The following GNA14 variants were observed in gnomAD, a reference collection of about 807,000 sequenced individuals.
GNA14 encodes guanine nucleotide-binding protein subunit alpha-14.
Under a neutral mutation model 42.0 loss-of-function variants are expected in GNA14, and 50 were observed. The observed-to-expected ratio is 1.19, with a 90% confidence interval of 0.95 to 1.51. GNA14 has a LOEUF of 1.51. Among genes scored for constraint, GNA14 ranks in the 40% most tolerant of loss-of-function variants. The pLI is 0.00. For synonymous variants in GNA14, 173 were observed against 163.1 expected, an observed-to-expected ratio of 1.06 and a Z score of -0.46; for missense variants, 473 against 446.2, an observed-to-expected ratio of 1.06 and a Z score of -0.54.
intron 2 of GNA14, among the ~76,000 whole-genome samples, chr9:77,482,193 G>T (rs368583293): frequency 1.6e-4 from 25 of 152,254 alleles, no homozygotes; most frequent in African/African-American, 4.6e-4. Context: ...GGTACCAGTT[G>T]TTCCTTTCCA....
intron 1 of GNA14, among the ~76,000 whole-genome samples, chr9:77,557,285 G>A (rs114372626): frequency 0.025 from 3,795 of 152,260 alleles, 162 homozygotes; most frequent in African/African-American, 0.085. Context: ...GGAGAGAGAA[G>A]CAGCTGACTC....
At chr9:77,474,761 G>A (rs187851539) in intron 2 of GNA14, among the ~76,000 whole-genome samples, 11 of 152,278 alleles carry the variant, frequency 7.2e-5, no homozygotes, top group African/African-American at 2.2e-4. Flanking sequence ...CCATACTGAT[G>A]TATGGATAAA....
chr9:77,528,363 A>T (rs192918247), intron 2 of GNA14, among the ~76,000 whole-genome samples: 117 of 152,250 alleles, frequency 7.7e-4, no homozygotes, highest in Middle Eastern at 3.4e-3. Flanking sequence ...CTAGTTGCTT[A>T]ATGAACTCAG....
At chr9:77,588,894 C>A (rs137979677) in intron 1 of GNA14, among the ~76,000 whole-genome samples, 1 of 152,170 alleles carries the variant, frequency 6.6e-6, no homozygotes, top group Non-Finnish European at 1.5e-5. Flanking sequence ...AAAGAAGGAA[C>A]CTGCTTTTGC....
At chr9:77,596,478 G>A (rs1008947469) in intron 1 of GNA14, among the ~76,000 whole-genome samples, 10 of 150,920 alleles carry the variant, frequency 6.6e-5, no homozygotes, top group African/African-American at 9.8e-5. Flanking sequence ...TGTACCCTAC[G>A]CCTCCTCGCC....
At chr9:77,578,537 A>T (rs1299727840) in intron 1 of GNA14, among the ~76,000 whole-genome samples, 4 of 152,228 alleles carry the variant, frequency 2.6e-5, no homozygotes, top group Non-Finnish European at 4.4e-5. Context: ...CTAGAAAAGG[A>T]CATGTTTAGT....
At chr9:77,611,585 C>A (rs1052915864) in intron 1 of GNA14, among the ~76,000 whole-genome samples, 3 of 152,148 alleles carry the variant, frequency 2.0e-5, no homozygotes, top group Admixed American at 2.0e-4. Context: ...AATTACCTCC[C>A]AACAATAGCC....
intron 2 of GNA14, among the ~76,000 whole-genome samples, chr9:77,494,532 A>G (rs1362657684): frequency 2.6e-5 from 4 of 152,210 alleles, no homozygotes; most frequent in African/African-American, 9.6e-5. Context: ...AGGGTACTGA[A>G]GTGTCCTGAG....
chr9:77,485,851 T>A (rs1836650969), intron 2 of GNA14, among the ~76,000 whole-genome samples: 1 of 152,162 alleles, frequency 6.6e-6, no homozygotes, highest in Non-Finnish European at 1.5e-5. Flanking sequence ...AGTAAATCAT[T>A]CTGTCTACAG....
chr9:77,608,128 A>G (rs1254261201), intron 1 of GNA14, among the ~76,000 whole-genome samples: 1 of 152,190 alleles, frequency 6.6e-6, no homozygotes, highest in African/African-American at 2.4e-5. Flanking sequence ...ATGGGGACAG[A>G]AGGCAGAGTA....
chr9:77,488,330 A>G (rs572685323), intron 2 of GNA14, among the ~76,000 whole-genome samples: 1 of 152,312 alleles, frequency 6.6e-6, no homozygotes, highest in South Asian at 2.1e-4. Flanking sequence ...ATCAAGGTGG[A>G]TAACTAGCCT....
chr9:77,592,063 C>T (rs1388027737), intron 1 of GNA14, among the ~76,000 whole-genome samples: 1 of 152,092 alleles, frequency 6.6e-6, no homozygotes, highest in East Asian at 1.9e-4. Flanking sequence ...TACAGGCGCC[C>T]ACCACCATGC....
intron 1 of GNA14, among the ~76,000 whole-genome samples, chr9:77,570,494 G>GT (rs1564056188): frequency 2.0e-5 from 3 of 152,104 alleles, no homozygotes; most frequent in Admixed American, 6.6e-5. Flanking sequence ...CAATATATGT[G>GT]TTTTTTGCAT....
At chr9:77,617,192 T>A (rs532773657) in intron 1 of GNA14, among the ~76,000 whole-genome samples, 4 of 152,260 alleles carry the variant, frequency 2.6e-5, no homozygotes, top group African/African-American at 9.6e-5. Flanking sequence ...GTGGTTATAA[T>A]TGTGAATGGG....
intron 4 of GNA14, among the ~76,000 whole-genome samples, chr9:77,430,116 A>G (rs944602832): frequency 6.6e-6 from 1 of 152,238 alleles, no homozygotes; most frequent in Non-Finnish European, 1.5e-5. Context: ...TGGCTATCAC[A>G]GCAGGGAACC....
intron 1 of GNA14, among the ~76,000 whole-genome samples, chr9:77,544,051 G>A (rs1837691773): frequency 6.6e-6 from 1 of 152,030 alleles, no homozygotes; most frequent in African/African-American, 2.4e-5. Context: ...CTTACTTTAG[G>A]AAATGATTGG....
chr9:77,433,941 T>C (rs922238095), intron 3 of GNA14, among the ~76,000 whole-genome samples: 9 of 152,214 alleles, frequency 5.9e-5, no homozygotes, highest in Admixed American at 3.9e-4. Context: ...TTTAGCGCAA[T>C]TGGACCTGCT....
chr9:77,459,523 C>T (rs945373717), intron 2 of GNA14, among the ~76,000 whole-genome samples: 4 of 152,154 alleles, frequency 2.6e-5, no homozygotes, highest in East Asian at 2.0e-4. Context: ...CCCCAACATA[C>T]GGCCCCAGGC....
At position 77,647,546 on chromosome 9, in the gene GNA14, G is replaced by A. The variant is rs190995452; in HGVS notation, c.124+124C>T. The A allele has an allele frequency of 4.5e-3, 4,908 of 1,087,184 alleles. 18 individuals carry two copies. Among genetic ancestry groups the A allele is most frequent in the Non-Finnish European group, 5.7e-3 (4,473 of 781,682 alleles). The allele number at this position is 1,087,184 out of a possible 1,614,324, so 67.3% of individuals were successfully genotyped here. A position where few individuals can be genotyped will look rare whatever the true frequency, so the allele number is the denominator to read the frequency against. ...TGCTGGCATCCGTGAGCTCCGAGGGGGAGAAGGACGAAGCCGCCCTGCACC... is the reference window on the plus strand; with the variant it reads ...TGCTGGCATCCGTGAGCTCCGAGGGAGAGAAGGACGAAGCCGCCCTGCACC... On this transcript the variant is annotated intron_variant, in intron 1 of 6. Transcript: ENST00000341700.
Sources: gnomAD v4.1 joint callset for allele counts (sites outside exome capture counted in the v4.1 genomes callset) on GRCh38, gnomAD v4.1.1 for gene constraint, MANE v1.5 for transcripts, NCBI Gene and HGNC (gene_info 2026-07-23, HGNC 2026-07-21) for gene names.